BABAM2: variants seen among roughly 807,000 people sequenced by gnomAD.
BABAM2 encodes the protein BRISC and BRCA1-A complex member 2.
A neutral mutation model predicts 54.7 loss-of-function variants in BABAM2; 31 were observed. The ratio of observed to expected loss-of-function variants is 0.57; its 90% CI spans 0.43 to 0.77. The LOEUF (loss-of-function observed/expected upper bound fraction) is 0.77, where lower values mean the gene tolerates loss of function less well. BABAM2 is among the 30% of genes least tolerant of loss of function. BABAM2 has a pLI of 0.00. For synonymous variants in BABAM2, 167 were observed against 162.9 expected, an observed-to-expected ratio of 1.03 and a Z score of -0.19; for missense variants, 364 against 455.8, an observed-to-expected ratio of 0.80 and a Z score of 1.83.
rs192225236 is a variant in BABAM2, at chr2:28,209,082, C to T, written c.681-28120C>T. On this transcript the variant is annotated intron_variant, in intron 7 of 11. Transcript: ENST00000379624. Reference sequence around the variant, plus strand: ...CTGAGGGTCCCTAGCAAATTATTTGCAACAATACAACTTTTGATATTCATG... The same window carrying T: ...CTGAGGGTCCCTAGCAAATTATTTGTAACAATACAACTTTTGATATTCATG... Among the ~76,000 whole-genome samples the T allele has an allele frequency of 2.0e-5, 3 of 152,272 alleles. No individual in the cohort carries two copies. In the East Asian group the frequency reaches 5.8e-4, roughly 29 times the overall value.
intron 7 of BABAM2, among the ~76,000 whole-genome samples, chr2:28,168,457 G>T (rs539220611): frequency 6.6e-6 from 1 of 152,118 alleles, no homozygotes; most frequent in Non-Finnish European, 1.5e-5. Context: ...ATAGGAGCTT[G>T]CCCGATCTGC....
intron 2 of BABAM2, among the ~76,000 whole-genome samples, chr2:27,922,915 T>G (rs190956265): frequency 9.3e-4 from 141 of 152,364 alleles, no homozygotes; most frequent in Non-Finnish European, 1.9e-3. Context: ...GTTGCCATTC[T>G]ATAAATATAA....
At chr2:27,932,259 G>T (rs1303070092) in intron 3 of BABAM2, among the ~76,000 whole-genome samples, 5 of 151,868 alleles carry the variant, frequency 3.3e-5, no homozygotes, top group Non-Finnish European at 7.4e-5. Context: ...TAATTTCTAG[G>T]AACTCTTTCT....
At chr2:28,016,293 T>A in intron 4 of BABAM2, 3 of 975,584 alleles carry the variant, frequency 3.1e-6, no homozygotes, top group Non-Finnish European at 4.8e-6. Context: ...TCATTCATTT[T>A]TTCTTCACAT....
At chr2:27,985,041 TTAG>T (rs1182179489) in intron 3 of BABAM2, among the ~76,000 whole-genome samples, 5 of 149,670 alleles carry the variant, frequency 3.3e-5, no homozygotes, top group Non-Finnish European at 7.4e-5. Context: ...TTTTTATGGC[TTAG>T]TAGTATTCCA....
At chr2:28,266,679 C>T (rs1049894179) in intron 10 of BABAM2, among the ~76,000 whole-genome samples, 2 of 152,240 alleles carry the variant, frequency 1.3e-5, no homozygotes, top group South Asian at 4.1e-4. Context: ...GGCATTGTCA[C>T]ACGCCTGGGT....
At chr2:28,033,120 G>A (rs565218261) in intron 5 of BABAM2, among the ~76,000 whole-genome samples, 2 of 152,174 alleles carry the variant, frequency 1.3e-5, no homozygotes, top group South Asian at 4.2e-4. Context: ...TTCCCATAAT[G>A]TAAGAACTGC....
intron 11 of BABAM2, among the ~76,000 whole-genome samples, chr2:28,326,502 C>T (rs894531933): frequency 3.9e-5 from 6 of 152,300 alleles, no homozygotes; most frequent in African/African-American, 1.2e-4. Flanking sequence ...CACCTGGCCT[C>T]GTTCCCAGCC....
At chr2:27,889,487 A>T (rs1278323381), upstream of BABAM2, among the ~76,000 whole-genome samples, 1 of 152,248 alleles carries the variant, frequency 6.6e-6, no homozygotes, top group East Asian at 1.9e-4. Context: ...CTAATTTTAC[A>T]GTGAACATAC....
At chr2:27,953,762 TA>T (rs1486657331) in intron 3 of BABAM2, among the ~76,000 whole-genome samples, 1 of 152,076 alleles carries the variant, frequency 6.6e-6, no homozygotes, top group African/African-American at 2.4e-5. Context: ...TTAAAACCAT[TA>T]AAAAATAAAC....
upstream of BABAM2, chr2:27,890,553 G>C (rs927904283): frequency 4.8e-5 from 27 of 565,562 alleles, no homozygotes; most frequent in Admixed American, 8.6e-4. The surrounding 1 kb of genome is among the most constrained non-coding windows in gnomAD (Gnocchi z 4.8). Context: ...TCACGTAACA[G>C]GGCCCTCCTG....
chr2:28,179,651 T>G (rs1675404169), intron 7 of BABAM2, among the ~76,000 whole-genome samples: 1 of 152,112 alleles, frequency 6.6e-6, no homozygotes, highest in East Asian at 1.9e-4. Context: ...GAGAAAGAAA[T>G]AAAGGCATAA....
intron 7 of BABAM2, among the ~76,000 whole-genome samples, chr2:28,181,314 T>G (rs142273375): frequency 6.6e-6 from 1 of 152,306 alleles, no homozygotes; most frequent in Non-Finnish European, 1.5e-5. Context: ...AGTGAAATTC[T>G]GTCATATGCA....
intron 7 of BABAM2, among the ~76,000 whole-genome samples, chr2:28,173,941 G>C (rs1192797719): frequency 2.0e-5 from 3 of 152,000 alleles, no homozygotes; most frequent in Non-Finnish European, 4.4e-5. Flanking sequence ...GATTTATAAG[G>C]GTTGACAGAA....
rs570805345 is a variant in BABAM2, at chr2:28,204,524, A to AT, written c.681-32667dup. On this transcript the variant is annotated intron_variant, in intron 7 of 11. Coordinates refer to ENST00000379624, the MANE Select transcript of BABAM2 (RefSeq NM_199191.3). Reference sequence around the variant, plus strand: ...GGGGACCCTCCTGGCTCTTTGGCCTATTTTTTTTTTTCAACATACTTAGGA... The same window carrying AT: ...GGGGACCCTCCTGGCTCTTTGGCCTATTTTTTTTTTTTCAACATACTTAGGA... Among the ~76,000 whole-genome samples the AT allele has an allele frequency of 4.1e-3, 606 of 146,060 alleles. 9 individuals are homozygous for AT. In the South Asian group the frequency reaches 0.044, roughly 11 times the overall value.
chr2:27,919,128 G>A (rs1667185050), intron 2 of BABAM2, among the ~76,000 whole-genome samples: 1 of 152,030 alleles, frequency 6.6e-6, no homozygotes, highest in Non-Finnish European at 1.5e-5. Context: ...TTGATCATTT[G>A]ATATTATTTT....
intron 10 of BABAM2, among the ~76,000 whole-genome samples, chr2:28,259,934 T>G (rs2148128897): frequency 6.6e-6 from 1 of 152,042 alleles, no homozygotes; most frequent in South Asian, 2.1e-4. Context: ...GAGTCTCGCT[T>G]TTGTCGCCCA....
At chr2:28,221,333 T>A (rs1015824197) in intron 7 of BABAM2, among the ~76,000 whole-genome samples, 2 of 152,204 alleles carry the variant, frequency 1.3e-5, no homozygotes, top group African/African-American at 4.8e-5. Context: ...CCTCAAGTCT[T>A]AGCCTCAGTG....
rs145624913 is a variant in BABAM2, at chr2:28,203,693, T to C, written c.681-33509T>C. 5.9e-3 allele frequency among the ~76,000 whole-genome samples: 901 copies of C among 152,332 alleles called. 7 individuals are homozygous for C. The highest frequency in any genetic ancestry group is 0.021 in the African/African-American group (853 of 41,572). ...AGGTGATATACTAAGGTTCTCATTC[T>C]GTTTCTTATATTCACTTGGCTTTAT... is the stretch of plus-strand genomic sequence containing the variant. On this transcript the variant is annotated intron_variant, in intron 7 of 11. Coordinates refer to ENST00000379624, the MANE Select transcript of BABAM2 (RefSeq NM_199191.3).
Sources: gnomAD v4.1 joint callset for allele counts (sites outside exome capture counted in the v4.1 genomes callset) on GRCh38, gnomAD v4.1.1 for gene constraint, Gnocchi (gnomAD v3.1) non-coding constraint, MANE v1.5 for transcripts, NCBI Gene and HGNC (gene_info 2026-07-23, HGNC 2026-07-21) for gene names.